Variants in GPR84 observed in about 807,000 individuals in gnomAD.
GPR84 encodes the protein G-protein coupled receptor 84.
In GPR84, 8 loss-of-function variants were observed where a neutral mutation model predicts 14.9. The ratio of observed to expected loss-of-function variants is 0.54; its 90% CI spans 0.31 to 0.97. The LOEUF (loss-of-function observed/expected upper bound fraction) is 0.97. Ranked by LOEUF, GPR84 falls within the 50% of genes least tolerant of loss-of-function variation. GPR84 has a pLI of 0.04. For missense variants in GPR84, 424 were observed against 498.7 expected, an observed-to-expected ratio of 0.85 and a Z score of 1.43; for synonymous variants, 164 against 198.1, an observed-to-expected ratio of 0.83 and a Z score of 1.45.
chr12:54,358,861 C>T (rs747287244), downstream of GPR84, among the ~76,000 whole-genome samples: 8 of 152,134 alleles, frequency 5.3e-5, no homozygotes, highest in Non-Finnish European at 1.2e-4. Flanking sequence ...TCAGTTTCCC[C>T]TTCGTTCCTC....
At chr12:54,357,141 C>T in the GPR84 span, among the ~76,000 whole-genome samples, 4 of 152,148 alleles carry the variant, frequency 2.6e-5, no homozygotes, top group African/African-American at 9.7e-5. Context: ...ATCTTGCTGC[C>T]CATCCGTCTT....
chr12:54,352,990 G>C, the GPR84 span, among the ~76,000 whole-genome samples: 2 of 152,186 alleles, frequency 1.3e-5, no homozygotes, highest in East Asian at 3.8e-4. Flanking sequence ...TGGGGGAGGG[G>C]CAGTGTCAGT....
downstream of GPR84, among the ~76,000 whole-genome samples, chr12:54,358,913 C>T (rs1422252679): frequency 6.6e-6 from 1 of 152,112 alleles, no homozygotes; most frequent in African/African-American, 2.4e-5. Context: ...CTCTGCTCTC[C>T]CTGTCGGCCC....
At chr12:54,352,954 T>G in the GPR84 span, among the ~76,000 whole-genome samples, 1 of 152,312 alleles carries the variant, frequency 6.6e-6, no homozygotes, top group African/African-American at 2.4e-5. Flanking sequence ...CATCCTAATC[T>G]TCCTACTCAC....
At chr12:54,359,191 C>G (rs571763213), downstream of GPR84, among the ~76,000 whole-genome samples, 368 of 152,254 alleles carry the variant, frequency 2.4e-3, 3 homozygotes, top group African/African-American at 8.2e-3. Context: ...CTGCACCCCC[C>G]TCCCCGCGGC....
At chr12:54,359,400 G>T (rs1487698351), downstream of GPR84, among the ~76,000 whole-genome samples, 1 of 149,306 alleles carries the variant, frequency 6.7e-6, no homozygotes, top group East Asian at 2.0e-4. Flanking sequence ...AGCAAGAACA[G>T]CCCGGGCGGG....
At chr12:54,354,535 C>T in the GPR84 span, among the ~76,000 whole-genome samples, 83 of 151,048 alleles carry the variant, frequency 5.5e-4, no homozygotes, top group African/African-American at 1.6e-3. Context: ...CGGGTTCAAG[C>T]GATTCTCTTG....
Position 54,362,667 on chromosome 12 carries a change from G to A in GPR84, c.1185C>T (p.Leu395=), listed in dbSNP as rs750360316. The A allele has an allele frequency of 7.5e-6, 12 of 1,598,542 alleles. No homozygotes were observed. Among genetic ancestry groups the A allele is most frequent in the Non-Finnish European group, 1.0e-5 (12 of 1,169,182 alleles). The part of the protein sequence containing the change: ...LKRGPRSFHR[L]H Reference sequence around the variant, plus strand: ...GGTGACTAGGGTCACAGTTCTAATGGAGCCTATGGAAACTCCGGGGCCCTC... The same window carrying A: ...GGTGACTAGGGTCACAGTTCTAATGAAGCCTATGGAAACTCCGGGGCCCTC... Residue 395 remains leucine (L), a synonymous_variant, in exon 2 of 2, where the codon CTC becomes CTT. Transcript: ENST00000267015. The surrounding 1 kb of genome is among the most constrained non-coding windows in gnomAD (Gnocchi z 4.0).
chr12:54,357,455 A>G (rs529082255), downstream of GPR84, among the ~76,000 whole-genome samples: 165 of 152,310 alleles, frequency 1.1e-3, no homozygotes, highest in African/African-American at 3.6e-3. Context: ...GGGGGGTCAC[A>G]GACACATGGC....
chr12:54,354,832 C>G, the GPR84 span, among the ~76,000 whole-genome samples: 1 of 152,152 alleles, frequency 6.6e-6, no homozygotes, highest in Non-Finnish European at 1.5e-5. Context: ...TCTGCCCACC[C>G]TGCCCTTCCG....
chr12:54,363,382 G>A lies in GPR84; in HGVS notation c.470C>T (p.Pro157Leu). The A allele has an allele frequency of 6.2e-7, 1 of 1,614,094 alleles. No homozygotes were observed. The highest frequency in any genetic ancestry group is 8.5e-7 in the Non-Finnish European group (1 of 1,179,986). Residue 157 changes from proline to leucine, a missense_variant, in exon 2 of 2, where the codon CCT (proline) becomes CTT (leucine). Pro to Leu is a moderately conservative substitution (Grantham distance 98). Transcript: ENST00000267015. ...VGVASFAPLW[P>L]IYILVPVVCT... ...GACTACAGGTACCAGGATATAAATA[G>A]GCCAGAGGGGAGCAAAGCTGGCCAC... is the stretch of plus-strand genomic sequence containing the variant.
chr12:54,360,421 C>G (rs1954257135), downstream of GPR84, among the ~76,000 whole-genome samples: 1 of 152,156 alleles, frequency 6.6e-6, no homozygotes, highest in Non-Finnish European at 1.5e-5. Context: ...GTCCAGAGAT[C>G]TGCTCAAGTT....
At chr12:54,360,407 A>T (rs1954256926), downstream of GPR84, among the ~76,000 whole-genome samples, 1 of 152,172 alleles carries the variant, frequency 6.6e-6, no homozygotes, top group Admixed American at 6.5e-5. Flanking sequence ...TGAGCCCCAG[A>T]GTGGTCCAGA....
At chr12:54,351,893 CTA>C in the GPR84 span, 3 of 152,268 alleles carry the variant, frequency 2.0e-5, no homozygotes, top group African/African-American at 7.2e-5. Flanking sequence ...TTTTTGGCAG[CTA>C]CTCCTGTTCC....
Position 54,363,310 on chromosome 12 carries a change from A to C in GPR84, c.542T>G (p.Ile181Ser). The C allele has an allele frequency of 6.2e-7, 1 of 1,614,112 alleles. No individual in the cohort carries two copies. Among genetic ancestry groups the C allele is most frequent in the African/African-American group, 1.3e-5 (1 of 75,024 alleles). The change falls in exon 2 of 2, where the codon ATC becomes AGC. Residue 181 changes from isoleucine to serine, a missense_variant. Transcript: ENST00000267015. ...DRIRGRPYTT[I>S]LMGIYFVLGL... is the part of the protein sequence containing the mutation. ...AAGCACAAAGTAGATGCCCATGAGG[A>C]TGGTGGTGTAAGGCCGGCCTCGGAT...
downstream of GPR84, among the ~76,000 whole-genome samples, chr12:54,361,591 G>C (rs1047307094): frequency 6.6e-6 from 1 of 152,060 alleles, no homozygotes; most frequent in African/African-American, 2.4e-5. The surrounding 1 kb of genome is among the most constrained non-coding windows in gnomAD (Gnocchi z 4.3). Context: ...GGCTGGTCTC[G>C]AACTCCTGAC....
downstream of GPR84, among the ~76,000 whole-genome samples, chr12:54,357,658 C>T (rs1416749694): frequency 6.6e-6 from 1 of 152,210 alleles, no homozygotes; most frequent in Non-Finnish European, 1.5e-5. Context: ...TCCTAGCCTC[C>T]TTTCCCAGGG....
At chr12:54,354,374 C>T in the GPR84 span, among the ~76,000 whole-genome samples, 2 of 152,080 alleles carry the variant, frequency 1.3e-5, no homozygotes, top group African/African-American at 4.8e-5. Flanking sequence ...GCCTTGGCCT[C>T]CCAAAGTGGT....
At chr12:54,355,316 C>CTG in the GPR84 span, among the ~76,000 whole-genome samples, 1 of 122,194 alleles carries the variant, frequency 8.2e-6, no homozygotes, top group African/African-American at 3.5e-5. Flanking sequence ...GCCATAAGTC[C>CTG]TGTGTGTGTG....
Sources: allele counts gnomAD v4.1 joint callset (sites outside exome capture counted in the v4.1 genomes callset), GRCh38; gene constraint gnomAD v4.1.1; non-coding constraint Gnocchi (gnomAD v3.1); transcripts MANE v1.5; gene names NCBI Gene and HGNC (gene_info 2026-07-23, HGNC 2026-07-21).